KIF1B: variants seen among roughly 807,000 people sequenced by gnomAD.
KIF1B encodes the protein kinesin-like protein KIF1B.
KIF1B carries 76 observed loss-of-function variants against 241.9 expected under a neutral mutation model. That is an observed-to-expected ratio of 0.31 (90% CI 0.26 to 0.38). KIF1B has a LOEUF of 0.38. Among genes scored for constraint, KIF1B ranks in the 10% least tolerant of loss-of-function variants. The probability of loss-of-function intolerance (pLI) is 1.00; values close to 1 mark genes in which losing one functional copy is unlikely to be tolerated. For missense variants in KIF1B, 1,622 were observed against 2,271.4 expected, an observed-to-expected ratio of 0.71 and a Z score of 5.81; for synonymous variants, 750 against 796.7, an observed-to-expected ratio of 0.94 and a Z score of 0.99.
intron 22 of KIF1B, chr1:10,307,688 T>C: frequency 9.8e-7 from 1 of 1,021,594 alleles, no homozygotes; most frequent in Non-Finnish European, 1.2e-6. Flanking sequence ...TTTAAACCAT[T>C]ATTATATTGT....
chr1:10,239,688 A>C lies in KIF1B; in HGVS notation c.106+7254A>C, dbSNP rs545925307. Among the ~76,000 whole-genome samples the C allele has an allele frequency of 1.4e-4, 22 of 152,092 alleles. 1 individual carries two copies. The South Asian group carries it at 4.2e-3, about 29-fold the overall frequency. ...AGTGGCACAGTCTCGGCTCACTGCAACCTCTGCCTCCCGGCTTCAAGGGAT... is the reference window on the plus strand; with the variant it reads ...AGTGGCACAGTCTCGGCTCACTGCACCCTCTGCCTCCCGGCTTCAAGGGAT... On this transcript the variant is annotated intron_variant, in intron 2 of 48. Transcript: ENST00000676179.
In KIF1B at chr1:10,380,918, A is replaced by T; in HGVS notation, c.*4331A>T. 4.6e-6 allele frequency: 1 copy of T among 219,398 alleles called. No homozygotes were observed. Among genetic ancestry groups the T allele is most frequent in the Non-Finnish European group, 9.2e-6 (1 of 109,068 alleles). 13.6% of individuals were successfully genotyped at this position (219,398 alleles called of 1,614,324 possible). On this transcript the variant is annotated 3_prime_UTR_variant, in exon 49 of 49. Coordinates refer to ENST00000676179, the MANE Select transcript of KIF1B (RefSeq NM_001365951.3). ...AGCTGAGAGATTATTTGCTGCTGTT[A>T]TTCAAAAGGCCATTTATGAAGTTAG...
intron 22 of KIF1B, among the ~76,000 whole-genome samples, chr1:10,312,090 C>G (rs968492168): frequency 1.6e-4 from 24 of 149,830 alleles, no homozygotes; most frequent in African/African-American, 5.8e-4. Context: ...TCCTCTCTCT[C>G]CAGCCTGGGC....
intron 2 of KIF1B, among the ~76,000 whole-genome samples, chr1:10,238,997 G>C (rs1265614070): frequency 6.6e-6 from 1 of 151,960 alleles, no homozygotes; most frequent in African/African-American, 2.4e-5. Context: ...CACCCATGCT[G>C]GAGTGCCGTG....
intron 1 of KIF1B, among the ~76,000 whole-genome samples, chr1:10,219,399 G>T (rs1646810695): frequency 6.6e-6 from 1 of 152,016 alleles, no homozygotes; most frequent in African/African-American, 2.4e-5. Context: ...GGCGGAGGTT[G>T]CAGTGAGCCG....
At position 10,282,360 on chromosome 1, in the gene KIF1B, C is replaced by T. The variant is rs1649450991; in HGVS notation, c.1261C>T (p.Leu421=). The change falls in exon 15 of 49, where the codon CTA becomes TTA. Residue 421 remains leucine, a synonymous_variant. Transcript: ENST00000676179. ...TCAGAACAATAAGCATAGATACTTG[C>T]TAGCCTCTGAGAATCAACGCCCTGG... ...DFQNNKHRYL[L]ASENQRPGHF... is the part of the protein sequence containing the mutation. 6.2e-7 allele frequency: 1 copy of T among 1,614,138 alleles called. No individual in the cohort carries two copies. Among genetic ancestry groups the T allele is most frequent in the Non-Finnish European group, 8.5e-7 (1 of 1,180,006 alleles).
At chr1:10,263,372 T>C (rs1481592798) in intron 5 of KIF1B, among the ~76,000 whole-genome samples, 1 of 152,132 alleles carries the variant, frequency 6.6e-6, no homozygotes, top group Non-Finnish European at 1.5e-5. Flanking sequence ...ACACCCTTTT[T>C]TGGTATTCAC....
Position 10,371,262 on chromosome 1 carries a change from A to G in KIF1B, c.4946A>G (p.Lys1649Arg), listed in dbSNP as rs1569922967. The G allele has an allele frequency of 6.2e-7, 1 of 1,614,140 alleles. No individual in the cohort carries two copies. Among genetic ancestry groups the G allele is most frequent in the East Asian group, 2.2e-5 (1 of 44,884 alleles). Reference protein sequence around the residue: ...VDSRSNSLDQKTPEANSRASS... With the variant: ...VDSRSNSLDQRTPEANSRASS... ...TCTAGGAGCAACTCTCTGGATCAGA[A>G]GTAAGTACCCAGATTTCACTGAGAG... The change falls in exon 45 of 49, where the codon AAG (lysine) becomes AGG (arginine). Residue 1649 changes from lysine to arginine, a missense_variant and splice_region_variant. Lys to Arg is a conservative substitution (Grantham distance 26, BLOSUM62 2). Around this residue, in one of 7 missense-constraint regions of KIF1B, gnomAD observed 357 missense variants for 409.0 expected, o/e 0.87. Coordinates refer to ENST00000676179, the MANE Select transcript of KIF1B (RefSeq NM_001365951.3).
Position 10,361,718 on chromosome 1 carries a change from C to T in KIF1B, c.4197C>T (p.Val1399=). The T allele has an allele frequency of 1.2e-6, 2 of 1,614,108 alleles. No individual in the cohort carries two copies. Among genetic ancestry groups the T allele is most frequent in the Admixed American group, 1.7e-5 (1 of 60,022 alleles). Residue 1399 remains valine, a synonymous_variant, in exon 40 of 49, where the codon GTC becomes GTT. Coordinates refer to ENST00000676179, the MANE Select transcript of KIF1B (RefSeq NM_001365951.3). The part of the protein sequence containing the change: ...LELDHCIQPA[V]ITKDVCMVFY... ...TGGATCATTGCATCCAGCCGGCTGT[C>T]ATCACCAAGGATGTGTGCATGGTCT...
chr1:10,269,806 G>A (rs899452133), intron 7 of KIF1B, among the ~76,000 whole-genome samples: 4 of 152,060 alleles, frequency 2.6e-5, no homozygotes, highest in African/African-American at 7.2e-5. Flanking sequence ...TAACAAGAGC[G>A]AAACTTCGTC....
In KIF1B at chr1:10,337,415, G is replaced by C. The variant is rs751916846; in HGVS notation, c.3304G>C (p.Gly1102Arg). The change falls in exon 31 of 49, where the codon GGG (glycine) becomes CGG (arginine). Residue 1102 changes from glycine to arginine, a missense_variant. By Grantham distance (125) the Gly-to-Arg change is moderately radical. Around this residue, in one of 7 missense-constraint regions of KIF1B, gnomAD observed 803 missense variants for 1,112.0 expected, o/e 0.72. Coordinates refer to ENST00000676179, the MANE Select transcript of KIF1B (RefSeq NM_001365951.3). This position sits in a 1 kb window ranked among gnomAD's most constrained non-coding sequence, Gnocchi z 4.0. ...TLLDGKMVME[G>R]FSEEIGNHLK... ...GCTGGATGGTAAGATGGTAATGGAA[G>C]GGTTTTCTGAAGAGATTGGCAACCA... The C allele has an allele frequency of 6.2e-7, 1 of 1,614,208 alleles. No individual in the cohort carries two copies. Among genetic ancestry groups the C allele is most frequent in the Admixed American group, 1.7e-5 (1 of 60,024 alleles).
intron 1 of KIF1B, among the ~76,000 whole-genome samples, chr1:10,211,217 G>A (rs1646689201): frequency 6.6e-6 from 1 of 152,208 alleles, no homozygotes; most frequent in Non-Finnish European, 1.5e-5. Context: ...GTTGCAGCCC[G>A]GGGGGCGGCT....
intron 14 of KIF1B, among the ~76,000 whole-genome samples, chr1:10,280,986 A>G (rs1041641786): frequency 2.6e-5 from 4 of 152,016 alleles, no homozygotes; most frequent in South Asian, 2.1e-4. Context: ...TTTTCTCCCA[A>G]TGGCTAATTT....
intron 27 of KIF1B, among the ~76,000 whole-genome samples, chr1:10,331,916 A>G (rs1379823483): frequency 6.6e-6 from 1 of 152,230 alleles, no homozygotes; most frequent in Non-Finnish European, 1.5e-5. Flanking sequence ...TACAAATGTG[A>G]TAGGACTTTG....
intron 12 of KIF1B, among the ~76,000 whole-genome samples, chr1:10,277,466 C>G (rs559095871): frequency 6.6e-6 from 1 of 152,202 alleles, no homozygotes; most frequent in Non-Finnish European, 1.5e-5. Context: ...TCTCAAGTAG[C>G]TAAAACTATA....
At position 10,375,271 on chromosome 1, in the gene KIF1B, C is replaced by G; in HGVS notation, c.5306C>G (p.Ala1769Gly). The G allele has an allele frequency of 6.2e-7, 1 of 1,613,676 alleles. No homozygotes were observed. The highest frequency in any genetic ancestry group is 1.7e-4 in the Middle Eastern group (1 of 6,032). Reference sequence around the variant, plus strand: ...TTCTTTCAGACACCAAACACCTTTGCTGTCTGCACAAAGCACCGTGGGGTC... The same window carrying G: ...TTCTTTCAGACACCAAACACCTTTGGTGTCTGCACAAAGCACCGTGGGGTC... ...QAMVKTPNTF[A>G]VCTKHRGVLL... The change falls in exon 48 of 49, where the codon GCT (alanine) becomes GGT (glycine). Residue 1769 changes from alanine (A) to glycine (G), a missense_variant. Physicochemically the swap from Ala to Gly is moderately conservative, Grantham distance 60. Transcript: ENST00000676179.
intron 22 of KIF1B, chr1:10,306,923 C>T (rs1650860225): frequency 9.6e-7 from 1 of 1,046,712 alleles, no homozygotes; most frequent in Non-Finnish European, 1.2e-6. Flanking sequence ...ATGAGTTACT[C>T]TCCACTGGTG....
At chr1:10,229,842 T>A (rs1301626516) in intron 1 of KIF1B, among the ~76,000 whole-genome samples, 1 of 115,538 alleles carries the variant, frequency 8.7e-6, no homozygotes, top group Non-Finnish European at 1.6e-5. Flanking sequence ...TCCAGCCTCC[T>A]GGGTGATGGA....
intron 2 of KIF1B, among the ~76,000 whole-genome samples, chr1:10,240,018 G>A (rs1214627732): frequency 2.6e-5 from 4 of 151,306 alleles, no homozygotes; most frequent in Middle Eastern, 3.4e-3. Context: ...AGCCTGCCTC[G>A]GCCTCCCAAA....
Sources: allele counts gnomAD v4.1 joint callset (sites outside exome capture counted in the v4.1 genomes callset), GRCh38; gene constraint gnomAD v4.1.1; regional missense constraint gnomAD v4.1.1; non-coding constraint Gnocchi (gnomAD v3.1); transcripts MANE v1.5; gene names NCBI Gene and HGNC (gene_info 2026-07-23, HGNC 2026-07-21).